Variants in CDC27 observed in about 807,000 individuals in gnomAD.
CDC27 encodes the protein cell division cycle protein 27 homolog.
Under a neutral mutation model 109.7 loss-of-function variants are expected in CDC27, and 27 were observed. The ratio of observed to expected loss-of-function variants is 0.25; its 90% CI spans 0.18 to 0.34. The LOEUF (loss-of-function observed/expected upper bound fraction) is 0.34. CDC27 is among the 10% of genes least tolerant of loss of function. CDC27 has a pLI of 1.00. For synonymous variants in CDC27, 266 were observed against 333.9 expected, an observed-to-expected ratio of 0.80 and a Z score of 2.22; for missense variants, 579 against 960.2, an observed-to-expected ratio of 0.60 and a Z score of 5.25.
rs899176256 is a variant in CDC27 at position 47,188,712 on chromosome 17, C to A, written c.27+434G>T. On this transcript the variant is annotated intron_variant, in intron 1 of 18. Transcript: ENST00000066544. ...GCTCCCTCCACCCTCTCATACAAGA[C>A]AAAATAAAAAAAACCTCCGTAAACT... 30 of 1,000,260 alleles carry A rather than the reference C, an allele frequency of 3.0e-5. 1 individual carries two copies. In the South Asian group the frequency reaches 8.2e-4, roughly 27 times the overall value. 62.0% of individuals were successfully genotyped at this position (1,000,260 alleles called of 1,614,324 possible). A position where few individuals can be genotyped will look rare whatever the true frequency, so the allele number is the denominator to read the frequency against.
At chr17:47,127,481 C>A (rs1465471364) in intron 16 of CDC27, among the ~76,000 whole-genome samples, 1 of 151,688 alleles carries the variant, frequency 6.6e-6, no homozygotes, top group East Asian at 2.0e-4. Context: ...CAACTCACTG[C>A]AACCTCTGCC....
At chr17:47,170,506 T>A (rs11570470) in intron 3 of CDC27, 5,829 of 152,120 alleles carry the variant, frequency 0.038, 179 homozygotes, top group Non-Finnish European at 0.054. Context: ...GTAAAAAAAA[T>A]TTTTTTTAAT....
chr17:47,159,926 G>A (rs1767660090), intron 4 of CDC27: 2 of 385,534 alleles, frequency 5.2e-6, no homozygotes, highest in Admixed American at 6.9e-5. Context: ...GCCTCCACGA[G>A]CTCCGTGGCC....
intron 1 of CDC27, 199 bp downstream of exon 1, chr17:47,188,947 A>C (rs2064560887): frequency 2.1e-6 from 3 of 1,436,224 alleles, no homozygotes; most frequent in South Asian, 2.9e-5. Flanking sequence ...GCTAAGGGTG[A>C]AGTAATGTAG....
Position 47,154,694 on chromosome 17 carries a change from G to A in CDC27, c.935C>T (p.Ser312Phe). ...TNTPPVIDVP[S>F]TGAPSKKSVA... is the part of the protein sequence containing the mutation. Reference sequence around the variant, plus strand: ...TACCTTTTTTGAAGGGGCTCCGGTGGATGGCACATCAATTACAGGAGGTGT... The same window carrying A: ...TACCTTTTTTGAAGGGGCTCCGGTGAATGGCACATCAATTACAGGAGGTGT... The change falls in exon 8 of 19, where the codon TCC becomes TTC. Residue 312 changes from serine to phenylalanine, a missense_variant. Ser to Phe is a radical substitution (Grantham distance 155). Around this residue, in one of 9 missense-constraint regions of CDC27, gnomAD observed 74 missense variants for 148.9 expected, o/e 0.50. Transcript: ENST00000066544. The A allele has an allele frequency of 6.3e-7, 1 of 1,595,610 alleles. No individual in the cohort carries two copies. Among genetic ancestry groups the A allele is most frequent in the Non-Finnish European group, 8.6e-7 (1 of 1,165,594 alleles).
rs1295546874 is a variant in CDC27 at position 47,189,216 on chromosome 17, C to G, written c.-44G>C. ...CTTTCTGCAGTGCCTCAGGCCCCCC[C>G]TGTAGCGGCTCCGGCCCGGCCAGCC... is the stretch of plus-strand genomic sequence containing the variant. On this transcript the variant is annotated 5_prime_UTR_variant, in exon 1 of 19. Transcript: ENST00000066544. 8 of 1,548,094 alleles carry G rather than the reference C, an allele frequency of 5.2e-6. No homozygotes were observed. The highest frequency in any genetic ancestry group is 1.7e-4 in the Middle Eastern group (1 of 5,932).
intron 16 of CDC27, among the ~76,000 whole-genome samples, chr17:47,125,318 C>G (rs2062104793): frequency 7.8e-6 from 1 of 128,686 alleles, no homozygotes; most frequent in Admixed American, 9.7e-5. Context: ...GTGATCTTGG[C>G]TCGCTACAAC....
At chr17:47,158,185 C>T (rs945255555) in intron 5 of CDC27, 21 bp downstream of exon 5, 2 of 1,224,650 alleles carry the variant, frequency 1.6e-6, no homozygotes, top group Non-Finnish European at 2.3e-6. Flanking sequence ...ACCCACCCAC[C>T]TCTCAACCCC....
chr17:47,170,270 T>A, intron 3 of CDC27: 1 of 276,848 alleles, frequency 3.6e-6, no homozygotes, highest in Admixed American at 5.3e-5. Context: ...ACAATCATAG[T>A]TCACATGGCC....
intron 4 of CDC27, chr17:47,159,741 C>T (rs567380989): frequency 7.3e-6 from 3 of 408,920 alleles, no homozygotes; most frequent in Non-Finnish European, 1.4e-5. Context: ...TGCTTCTGCA[C>T]CGGCATAATC....
chr17:47,121,741 CT>C (rs35570204), intron 18 of CDC27, among the ~76,000 whole-genome samples: 79,534 of 144,652 alleles, frequency 0.55, 21,678 homozygotes, highest in Admixed American at 0.62. Flanking sequence ...CATATATATA[CT>C]TTTTTTTTTT....
intron 17 of CDC27, among the ~76,000 whole-genome samples, chr17:47,123,402 CT>C (rs57868315): frequency 0.22 from 26,866 of 122,992 alleles, 2,309 homozygotes; most frequent in Middle Eastern, 0.28. Context: ...TTTTTTTCTA[CT>C]TTTTTTTTTT....
chr17:47,175,088 A>G (rs995776261), intron 2 of CDC27, among the ~76,000 whole-genome samples: 1 of 107,386 alleles, frequency 9.3e-6, no homozygotes, highest in East Asian at 2.3e-4. Flanking sequence ...GAAGGAAGGA[A>G]GGAAGGAAGT....
chr17:47,144,295 C>T (rs544719175), intron 9 of CDC27, among the ~76,000 whole-genome samples: 2 of 152,140 alleles, frequency 1.3e-5, no homozygotes, highest in South Asian at 4.2e-4. Flanking sequence ...CTCGTTACTA[C>T]AAAATAGTAA....
intron 10 of CDC27, among the ~76,000 whole-genome samples, chr17:47,143,259 C>T (rs1421785470): frequency 6.6e-6 from 1 of 152,298 alleles, no homozygotes; most frequent in East Asian, 1.9e-4. Context: ...CCACTGCGTC[C>T]GCCGGGTCTC....
At chr17:47,174,387 T>C (rs930284731) in intron 2 of CDC27, among the ~76,000 whole-genome samples, 3 of 152,238 alleles carry the variant, frequency 2.0e-5, no homozygotes, top group Non-Finnish European at 4.4e-5. Flanking sequence ...AGGCTGATCA[T>C]GGCCTAGCTA....
chr17:47,161,142 G>A (rs538357782), intron 4 of CDC27: 2 of 146,308 alleles, frequency 1.4e-5, no homozygotes, highest in Non-Finnish European at 3.0e-5. Flanking sequence ...TCCTGCCTCA[G>A]CCTCCCAAGT....
At chr17:47,174,238 G>A (rs1011174385) in intron 2 of CDC27, among the ~76,000 whole-genome samples, 2 of 152,186 alleles carry the variant, frequency 1.3e-5, no homozygotes, top group African/African-American at 4.8e-5. Context: ...CACAACTAAA[G>A]AAGCAGTGGT....
chr17:47,131,972 G>C lies in CDC27; in HGVS notation c.2031+285C>G, dbSNP rs116541638. 3.4e-3 allele frequency among the ~76,000 whole-genome samples: 498 copies of C among 145,648 alleles called. 8 individuals carry two copies. Among genetic ancestry groups the C allele is most frequent in the African/African-American group, 0.012 (475 of 38,774 alleles). Reference sequence around the variant, plus strand: ...AGGCATGAGCCACTGCAACTGGCCAGGAGATATCTTACTTGAGTCACAGAA... The same window carrying C: ...AGGCATGAGCCACTGCAACTGGCCACGAGATATCTTACTTGAGTCACAGAA... On this transcript the variant is annotated intron_variant, in intron 15 of 18. Coordinates refer to ENST00000066544, the MANE Select transcript of CDC27 (RefSeq NM_001256.6).
Sources: allele counts gnomAD v4.1 joint callset (sites outside exome capture counted in the v4.1 genomes callset), GRCh38; gene constraint gnomAD v4.1.1; regional missense constraint gnomAD v4.1.1; transcripts MANE v1.5; gene names NCBI Gene and HGNC (gene_info 2026-07-23, HGNC 2026-07-21).